Variants in BRWD1 observed in about 807,000 individuals in gnomAD.
BRWD1 encodes the protein bromodomain and WD repeat domain containing 1.
Under a neutral mutation model 251.2 loss-of-function variants are expected in BRWD1, and 82 were observed. That is an observed-to-expected ratio of 0.33 (90% CI 0.27 to 0.39). BRWD1 has a LOEUF of 0.39. Ranked by LOEUF, BRWD1 falls within the 10% of genes least tolerant of loss-of-function variation. BRWD1 has a pLI of 1.00. For missense variants in BRWD1, 2,233 were observed against 2,711.6 expected (o/e 0.82, Z 3.92); for synonymous variants, 918 against 902.8 (o/e 1.02, Z -0.30).
chr21:39,210,779 A>C lies in BRWD1; in HGVS notation c.4044+7T>G, dbSNP rs947018641. On this transcript the variant is annotated splice_region_variant and intron_variant, in intron 35 of 40. Transcript: ENST00000342449. ...AAGCCCCAAACATTTAAACAATGGA[A>C]ACTTACTGGATATTCAACCAAATCA... 1 of 1,598,914 alleles carries C rather than the reference A, an allele frequency of 6.3e-7. No homozygotes were observed. The highest frequency in any genetic ancestry group is 8.5e-7 in the Non-Finnish European group (1 of 1,175,422).
chr21:39,312,955 G>T, intron 3 of BRWD1, 55 bp from the exon 4 acceptor site: 1 of 442,868 alleles, frequency 2.3e-6, no homozygotes, highest in Non-Finnish European at 3.2e-6. Flanking sequence ...GGGGGGGGCG[G>T]GGGGCGGGGG....
intron 27 of BRWD1, among the ~76,000 whole-genome samples, chr21:39,226,509 T>G (rs936974798): frequency 1.3e-5 from 2 of 152,168 alleles, no homozygotes; most frequent in African/African-American, 4.8e-5. Flanking sequence ...TTTAAAAAAA[T>G]TAATGGACAT....
Position 39,199,638 on chromosome 21 carries a change from C to T in BRWD1, c.4778G>A (p.Cys1593Tyr), listed in dbSNP as rs2032006958. The change falls in exon 40 of 41, where the codon TGT (cysteine) becomes TAT (tyrosine). Residue 1593 changes from cysteine to tyrosine, a missense_variant. Around this residue, in one of 12 missense-constraint regions of BRWD1, gnomAD observed 928 missense variants for 970.0 expected, o/e 0.96. Transcript: ENST00000342449. ...KTGPVSLANG[C>Y]GRKATRKRVY... ...TCTCTTTCGAGTGGCTTTTCTGCCA[C>T]ATCCATTTGCTAATGAAACGGGACC... 2 of 1,606,628 alleles carry T rather than the reference C, an allele frequency of 1.2e-6. No homozygotes were observed. Among genetic ancestry groups the T allele is most frequent in the Non-Finnish European group, 1.7e-6 (2 of 1,177,780 alleles).
chr21:39,250,985 G>C (rs960679078), intron 19 of BRWD1, 96 bp from the exon 20 acceptor site: 4 of 695,958 alleles, frequency 5.7e-6, no homozygotes, highest in Non-Finnish European at 9.2e-6. Context: ...TAAATCATAA[G>C]TTTATGTACT....
intron 4 of BRWD1, among the ~76,000 whole-genome samples, chr21:39,308,423 A>G (rs1337155242): frequency 6.7e-6 from 1 of 150,172 alleles, no homozygotes; most frequent in African/African-American, 2.4e-5. Flanking sequence ...CAGAGGTTGC[A>G]GTCAGCCAAG....
At chr21:39,234,227 G>C (rs184553738) in intron 23 of BRWD1, among the ~76,000 whole-genome samples, 1 of 152,236 alleles carries the variant, frequency 6.6e-6, no homozygotes, top group Admixed American at 6.5e-5. Context: ...AAGCATTCCT[G>C]GCCCTGAAGA....
intron 5 of BRWD1, chr21:39,297,638 G>T: frequency 4.2e-6 from 1 of 237,784 alleles, no homozygotes; most frequent in Non-Finnish European, 6.8e-6. Flanking sequence ...AACAACTAAA[G>T]CTAACAAACC....
At chr21:39,244,691 T>G (rs2034117907) in intron 21 of BRWD1, among the ~76,000 whole-genome samples, 1 of 152,022 alleles carries the variant, frequency 6.6e-6, no homozygotes, top group Non-Finnish European at 1.5e-5. Flanking sequence ...GTAACAGTTT[T>G]CCCAAAGGAA....
At chr21:39,238,804 C>G (rs534752133) in intron 21 of BRWD1, among the ~76,000 whole-genome samples, 1 of 152,128 alleles carries the variant, frequency 6.6e-6, no homozygotes, top group Non-Finnish European at 1.5e-5. Context: ...ACACTACCAC[C>G]ATTAGCAAAG....
chr21:39,262,113 G>A (rs376014503), intron 17 of BRWD1, among the ~76,000 whole-genome samples: 3 of 152,244 alleles, frequency 2.0e-5, no homozygotes, highest in African/African-American at 7.2e-5. Flanking sequence ...TCATCCAGAA[G>A]ACAAGCAATT....
chr21:39,222,587 G>A (rs1168025656), intron 29 of BRWD1, among the ~76,000 whole-genome samples: 1 of 152,110 alleles, frequency 6.6e-6, no homozygotes, highest in African/African-American at 2.4e-5. Flanking sequence ...ACAAAATAAT[G>A]ACAACAATTG....
chr21:39,255,502 CAATT>C (rs1389628864), intron 19 of BRWD1, 139 bp downstream of exon 19: 14 of 687,794 alleles, frequency 2.0e-5, no homozygotes, highest in Non-Finnish European at 3.3e-5. Context: ...TTTCCTACCA[CAATT>C]AAGATAGTAA....
intron 19 of BRWD1, among the ~76,000 whole-genome samples, chr21:39,251,382 C>A (rs1322838595): frequency 6.6e-6 from 1 of 152,094 alleles, no homozygotes; most frequent in Non-Finnish European, 1.5e-5. Flanking sequence ...AAAGGACCTG[C>A]CACCAAGAAG....
At chr21:39,208,938 A>C (rs1230674835) in intron 36 of BRWD1, among the ~76,000 whole-genome samples, 1 of 152,004 alleles carries the variant, frequency 6.6e-6, no homozygotes, top group African/African-American at 2.4e-5. Flanking sequence ...CAAAGAGTTA[A>C]AGAAGTCAAT....
intron 13 of BRWD1, among the ~76,000 whole-genome samples, chr21:39,272,045 T>C (rs2146677525): frequency 6.9e-6 from 1 of 145,524 alleles, no homozygotes; most frequent in East Asian, 2.0e-4. Context: ...ATGAGTGTTA[T>C]AAAACAGCTA....
intron 8 of BRWD1, among the ~76,000 whole-genome samples, chr21:39,286,454 C>A (rs1442646306): frequency 6.6e-6 from 1 of 152,036 alleles, no homozygotes; most frequent in African/African-American, 2.4e-5. Flanking sequence ...TTTTTCAATT[C>A]TCTTGGATTT....
chr21:39,229,302 TA>T lies in BRWD1; in HGVS notation c.3125+9del. The stretch of plus-strand genomic sequence containing the variant: ...ATTTAAGTAATTCCATTTTAAAAAA[TA>T]ATACATACCTAATAGAGAAAGATTT... On this transcript the variant is annotated intron_variant, in intron 26 of 40. Coordinates refer to ENST00000342449, the MANE Select transcript of BRWD1 (RefSeq NM_033656.4). 6.3e-7 allele frequency: 1 copy of T among 1,577,888 alleles called. No homozygotes were observed. The highest frequency in any genetic ancestry group is 8.7e-7 in the Non-Finnish European group (1 of 1,154,758).
chr21:39,225,151 T>C lies in BRWD1; in HGVS notation c.3255A>G (p.Thr1085=), dbSNP rs757620322. Residue 1085 remains threonine (T), a synonymous_variant, in exon 28 of 41, where the codon ACA becomes ACG. Coordinates refer to ENST00000342449, the MANE Select transcript of BRWD1 (RefSeq NM_033656.4). The stretch of plus-strand genomic sequence containing the variant: ...GTTGATATGGCTCTTGACTTAACAC[T>C]GTTCCAAACCACCAAGCATCATCAA... ...SIIDDAWWFG[T]VLSQEPYQPQ... 3 of 1,613,598 alleles carry C rather than the reference T, an allele frequency of 1.9e-6. No individual in the cohort carries two copies. The East Asian group carries it at 6.7e-5, about 36-fold the overall frequency.
Position 39,194,936 on chromosome 21 carries a change from C to T in BRWD1, c.*1323G>A. ...GGTACTGTAACATATCCCTTACCCA[C>T]TAAATATGTAAACCATTTGAATCAA... On this transcript the variant is annotated 3_prime_UTR_variant, in exon 41 of 41. Transcript: ENST00000342449. 3 of 1,478,914 alleles carry T rather than the reference C, an allele frequency of 2.0e-6. No homozygotes were observed. The highest frequency in any genetic ancestry group is 2.7e-5 in the South Asian group (2 of 73,326). 91.6% of individuals were successfully genotyped at this position (1,478,914 alleles called of 1,614,324 possible). A position where few individuals can be genotyped will look rare whatever the true frequency, so the allele number is the denominator to read the frequency against.
Sources: gnomAD v4.1 joint callset for allele counts (sites outside exome capture counted in the v4.1 genomes callset) on GRCh38, gnomAD v4.1.1 for gene constraint, gnomAD v4.1.1 regional missense constraint, MANE v1.5 for transcripts, NCBI Gene and HGNC (gene_info 2026-07-23, HGNC 2026-07-21) for gene names.